The following GLIS3 variants were observed in gnomAD, a reference collection of about 807,000 sequenced individuals.
GLIS3 encodes the protein GLIS family zinc finger 3.
In GLIS3, 53 loss-of-function variants were observed where a neutral mutation model predicts 78.6. The ratio of observed to expected loss-of-function variants is 0.67; its 90% confidence interval spans 0.54 to 0.85. The LOEUF (loss-of-function observed/expected upper bound fraction) is 0.85. Ranked by LOEUF, GLIS3 falls within the 40% of genes least tolerant of loss-of-function variation. The pLI is 0.00. For missense variants in GLIS3, 1,703 were observed against 1,231.1 expected, an observed-to-expected ratio of 1.38 and a Z score of -5.74; for synonymous variants, 684 against 509.9, an observed-to-expected ratio of 1.34 and a Z score of -4.60.
At chr9:4,400,874 G>C in the GLIS3 span, among the ~76,000 whole-genome samples, 1 of 152,192 alleles carries the variant, frequency 6.6e-6, no homozygotes, top group Non-Finnish European at 1.5e-5. Context: ...TTCATCACCT[G>C]CTAACTAAAG....
the GLIS3 span, among the ~76,000 whole-genome samples, chr9:4,478,860 C>T: frequency 6.6e-6 from 1 of 152,080 alleles, no homozygotes; most frequent in Admixed American, 6.6e-5. Flanking sequence ...GTGAATTTAT[C>T]GTAGTTGAAT....
chr9:4,049,775 A>C (rs2130459236), intron 4 of GLIS3, among the ~76,000 whole-genome samples: 1 of 152,320 alleles, frequency 6.6e-6, no homozygotes, highest in South Asian at 2.1e-4. Context: ...ACCCCATCAA[A>C]AAGTGGGCAA....
chr9:4,182,888 A>G (rs1178347370), intron 2 of GLIS3, among the ~76,000 whole-genome samples: 1 of 152,160 alleles, frequency 6.6e-6, no homozygotes, highest in Non-Finnish European at 1.5e-5. Flanking sequence ...TCTCCCAACA[A>G]CTCCTAGTTT....
upstream of GLIS3, among the ~76,000 whole-genome samples, chr9:4,303,381 A>G (rs1048771101): frequency 1.3e-5 from 2 of 152,074 alleles, no homozygotes; most frequent in African/African-American, 4.8e-5. Context: ...TAAAATGGAA[A>G]ATTTCCATTT....
the GLIS3 span, among the ~76,000 whole-genome samples, chr9:4,396,765 A>G: frequency 6.6e-6 from 1 of 152,198 alleles, no homozygotes; most frequent in African/African-American, 2.4e-5. Context: ...ATACCTCGTT[A>G]GTCCTTTCAT....
At chr9:3,985,447 C>T (rs192062279) in intron 4 of GLIS3, among the ~76,000 whole-genome samples, 1 of 152,174 alleles carries the variant, frequency 6.6e-6, no homozygotes, top group African/African-American at 2.4e-5. Flanking sequence ...TGCACCCAGC[C>T]CCAGTCAAAA....
chr9:4,133,703 T>C (rs894058681), intron 2 of GLIS3, among the ~76,000 whole-genome samples: 5 of 152,088 alleles, frequency 3.3e-5, no homozygotes, highest in African/African-American at 1.2e-4. Flanking sequence ...ACATTGTTAG[T>C]TCTATTTATA....
At chr9:3,879,309 T>A (rs1420722283) in intron 8 of GLIS3, 118 bp downstream of exon 8, 16 of 937,782 alleles carry the variant, frequency 1.7e-5, no homozygotes, top group Non-Finnish European at 2.6e-5. Context: ...AATGTCACCT[T>A]TGGGTAACTC....
At chr9:4,085,082 A>C (rs1828907352) in intron 4 of GLIS3, among the ~76,000 whole-genome samples, 1 of 152,118 alleles carries the variant, frequency 6.6e-6, no homozygotes, top group African/African-American at 2.4e-5. Flanking sequence ...ACAACAAAAC[A>C]GCTTGCAAAT....
rs548848372 is a variant in GLIS3, at chr9:4,239,550, G to C, written c.388+46488C>G. On this transcript the variant is annotated intron_variant, in intron 2 of 10. Transcript: ENST00000381971. ...ACCATCCCAACACATCAGTCATTGA[G>C]ATCTTGGTATCAAGGTTGAGAACCA... Among the ~76,000 whole-genome samples the C allele has an allele frequency of 2.6e-5, 4 of 152,286 alleles. No individual in the cohort carries two copies. The East Asian group carries it at 7.7e-4, about 29-fold the overall frequency.
intron 2 of GLIS3, among the ~76,000 whole-genome samples, chr9:4,200,230 T>C (rs966451529): frequency 6.6e-6 from 1 of 151,232 alleles, no homozygotes; most frequent in Non-Finnish European, 1.5e-5. Context: ...TGAACTAACC[T>C]CAAACCTAGA....
chr9:4,487,597 C>T, the GLIS3 span, among the ~76,000 whole-genome samples: 3 of 151,886 alleles, frequency 2.0e-5, no homozygotes, highest in Non-Finnish European at 4.4e-5. Context: ...TCCTCAGATG[C>T]TTCCACTTTT....
intron 4 of GLIS3, among the ~76,000 whole-genome samples, chr9:3,959,141 G>A (rs1024980469): frequency 4.6e-5 from 7 of 152,192 alleles, no homozygotes; most frequent in Non-Finnish European, 4.4e-5. Context: ...GGTCCTTTGG[G>A]AGGCCACGAG....
At chr9:4,228,653 T>C (rs1821992250) in intron 2 of GLIS3, among the ~76,000 whole-genome samples, 1 of 152,218 alleles carries the variant, frequency 6.6e-6, no homozygotes, top group Admixed American at 6.5e-5. Context: ...TATGCATGTA[T>C]CCATGTGCAA....
intron 4 of GLIS3, among the ~76,000 whole-genome samples, chr9:4,097,167 A>G (rs1396843520): frequency 6.6e-6 from 1 of 152,166 alleles, no homozygotes; most frequent in African/African-American, 2.4e-5. Flanking sequence ...CACATCTCCA[A>G]CTTGTTGGGG....
intron 4 of GLIS3, among the ~76,000 whole-genome samples, chr9:4,074,844 A>T (rs1351243735): frequency 6.6e-6 from 1 of 152,226 alleles, no homozygotes; most frequent in Admixed American, 6.5e-5. Flanking sequence ...AGGCATTTTT[A>T]CCAAACTACA....
the GLIS3 span, among the ~76,000 whole-genome samples, chr9:4,379,665 T>G: frequency 1.6e-4 from 24 of 152,302 alleles, no homozygotes; most frequent in African/African-American, 4.3e-4. Context: ...ACTATTTGCT[T>G]CACTTCAGTG....
the GLIS3 span, among the ~76,000 whole-genome samples, chr9:4,405,359 A>AG: frequency 9.9e-5 from 15 of 151,870 alleles, no homozygotes; most frequent in African/African-American, 3.6e-4. Flanking sequence ...CATCTTAAAA[A>AG]AAAAAGAAAA....
At chr9:4,342,392 G>C (rs116122806) in intron 2 of GLIS3, among the ~76,000 whole-genome samples, 441 of 152,290 alleles carry the variant, frequency 2.9e-3, no homozygotes, top group African/African-American at 0.01. Flanking sequence ...TTTTGTCAAA[G>C]GTTGGGTGAT....
Sources: gnomAD v4.1 joint callset for allele counts (sites outside exome capture counted in the v4.1 genomes callset) on GRCh38, gnomAD v4.1.1 for gene constraint, MANE v1.5 for transcripts, NCBI Gene and HGNC (gene_info 2026-07-23, HGNC 2026-07-21) for gene names.